Variants in TRIM23 observed in about 807,000 individuals in gnomAD.
The protein encoded by TRIM23 is tripartite motif containing 23.
In TRIM23, 27 loss-of-function variants were observed where a neutral mutation model predicts 71.0. The ratio of observed to expected loss-of-function variants is 0.38; its 90% CI spans 0.28 to 0.52. TRIM23 has a LOEUF of 0.52. Ranked by LOEUF, TRIM23 falls within the 20% of genes least tolerant of loss-of-function variation. The pLI is 0.84. For missense variants in TRIM23, 482 were observed against 692.3 expected (o/e 0.70, Z 3.41); for synonymous variants, 234 against 238.0 (o/e 0.98, Z 0.16).
At chr5:65,613,391 T>C (rs1754701365) in intron 3 of TRIM23, among the ~76,000 whole-genome samples, 1 of 152,202 alleles carries the variant, frequency 6.6e-6, no homozygotes, top group South Asian at 2.1e-4. Context: ...ACATTTTTTT[T>C]CCTTCATACA....
intron 7 of TRIM23, among the ~76,000 whole-genome samples, chr5:65,604,346 C>T (rs1256642941): frequency 2.0e-5 from 3 of 152,102 alleles, no homozygotes; most frequent in Non-Finnish European, 2.9e-5. Context: ...CCACCCGCCT[C>T]GGCCTCCCAA....
At chr5:65,607,563 G>A (rs1337456391) in intron 6 of TRIM23, among the ~76,000 whole-genome samples, 1 of 152,078 alleles carries the variant, frequency 6.6e-6, no homozygotes, top group South Asian at 2.1e-4. Flanking sequence ...AGCCTCCCCA[G>A]CCATGCAAAC....
In TRIM23 at chr5:65,591,289, T is replaced by C; in HGVS notation, c.*480A>G. ...TCCAAATATGTAGTTTGGATTCTAT[T>C]TCATTAAGCAACTGTCATTTCTACT... On this transcript the variant is annotated 3_prime_UTR_variant, in exon 11 of 11. Transcript: ENST00000231524. The C allele has an allele frequency of 1.5e-6, 2 of 1,375,250 alleles. No individual in the cohort carries two copies. The highest frequency in any genetic ancestry group is 9.4e-7 in the Non-Finnish European group (1 of 1,066,350). The allele number at this position is 1,375,250 out of a possible 1,614,324, so 85.2% of individuals were successfully genotyped here.
At chr5:65,623,623 T>C (rs468754) in intron 1 of TRIM23, among the ~76,000 whole-genome samples, 94,309 of 152,012 alleles carry the variant, frequency 0.62, 29,518 homozygotes, top group South Asian at 0.65. Context: ...TGCAAAGAGT[T>C]AATAGACTGT....
chr5:65,614,384 C>T (rs941706111), intron 2 of TRIM23, among the ~76,000 whole-genome samples, 165 bp from the exon 3 acceptor site: 1 of 152,170 alleles, frequency 6.6e-6, no homozygotes, highest in Non-Finnish European at 1.5e-5. Context: ...TTTGTTAATG[C>T]TCTCTTAAAA....
At chr5:65,611,930 CAT>C (rs1187952091) in intron 3 of TRIM23, 49 bp from the exon 4 acceptor site, 1 of 1,534,014 alleles carries the variant, frequency 6.5e-7, no homozygotes, top group Non-Finnish European at 8.8e-7. Context: ...ATCAGTATAA[CAT>C]GACGAATTTT....
At chr5:65,606,762 C>T (rs1427518499) in intron 6 of TRIM23, among the ~76,000 whole-genome samples, 1 of 152,224 alleles carries the variant, frequency 6.6e-6, no homozygotes, top group Non-Finnish European at 1.5e-5. Flanking sequence ...ATAATGCTTA[C>T]CCTGACTACT....
chr5:65,623,889 T>C (rs1211106851), intron 1 of TRIM23, among the ~76,000 whole-genome samples: 1 of 152,234 alleles, frequency 6.6e-6, no homozygotes, highest in African/African-American at 2.4e-5. Context: ...AGCTAATTAA[T>C]GTCTGTTGAG....
At chr5:65,600,831 C>T (rs531328517) in intron 7 of TRIM23, among the ~76,000 whole-genome samples, 6 of 151,920 alleles carry the variant, frequency 3.9e-5, no homozygotes, top group African/African-American at 7.2e-5. Flanking sequence ...AAAAAGTGAG[C>T]GAAGGACAGA....
chr5:65,600,622 TAAAAA>T (rs34809421), intron 7 of TRIM23, among the ~76,000 whole-genome samples: 3 of 102,330 alleles, frequency 2.9e-5, no homozygotes, highest in Non-Finnish European at 6.0e-5. Context: ...AAAAGCACAG[TAAAAA>T]AAAAAAAAAA....
chr5:65,590,477 C>A lies in TRIM23; in HGVS notation c.*1292G>T. On this transcript the variant is annotated 3_prime_UTR_variant, in exon 11 of 11. Transcript: ENST00000231524. Reference sequence around the variant, plus strand: ...CAAAAAGTCACATCTTGTTACCAGACATCACTGTCCTTACAACAATTCAAC... The same window carrying A: ...CAAAAAGTCACATCTTGTTACCAGAAATCACTGTCCTTACAACAATTCAAC... 1 of 1,239,894 alleles carries A rather than the reference C, an allele frequency of 8.1e-7. No homozygotes were observed. The highest frequency in any genetic ancestry group is 1.0e-6 in the Non-Finnish European group (1 of 979,686). The allele number at this position is 1,239,894 out of a possible 1,614,324, so 76.8% of individuals were successfully genotyped here.
intron 5 of TRIM23, 70 bp from the exon 6 acceptor site, chr5:65,609,528 A>G: frequency 6.8e-7 from 1 of 1,476,742 alleles, no homozygotes; most frequent in Non-Finnish European, 9.1e-7. Context: ...AATATTTAAA[A>G]TTTCAGCCTA....
chr5:65,589,924 G>A lies in TRIM23; in HGVS notation c.*1845C>T, dbSNP rs1278766126. Reference sequence around the variant, plus strand: ...TAGTTTCCCAGGGAAGACTAGCACAGTCTTAACTAATGATTAGTGAAATAA... The same window carrying A: ...TAGTTTCCCAGGGAAGACTAGCACAATCTTAACTAATGATTAGTGAAATAA... On this transcript the variant is annotated 3_prime_UTR_variant, in exon 11 of 11. Coordinates refer to ENST00000231524, the MANE Select transcript of TRIM23 (RefSeq NM_001656.4). The A allele has an allele frequency of 6.0e-6, 1 of 166,056 alleles. No homozygotes were observed. Among genetic ancestry groups the A allele is most frequent in the South Asian group, 1.9e-4 (1 of 5,320 alleles). The allele number at this position is 166,056 out of a possible 1,614,324, so 10.3% of individuals were successfully genotyped here.
Position 65,611,593 on chromosome 5 carries a change from A to G in TRIM23, c.645+10T>C. On this transcript the variant is annotated intron_variant, in intron 4 of 10. Coordinates refer to ENST00000231524, the MANE Select transcript of TRIM23 (RefSeq NM_001656.4). The stretch of plus-strand genomic sequence containing the variant: ...ACAGTGATCCAACTGATTAATAATT[A>G]AATTCATACCTTGTGACCCTGGTGT... 6.2e-7 allele frequency: 1 copy of G among 1,607,552 alleles called. No homozygotes were observed. Among genetic ancestry groups the G allele is most frequent in the Non-Finnish European group, 8.5e-7 (1 of 1,174,954 alleles).
chr5:65,623,171 T>C (rs1027099872), intron 1 of TRIM23, among the ~76,000 whole-genome samples: 2 of 152,206 alleles, frequency 1.3e-5, no homozygotes, highest in South Asian at 2.1e-4. Flanking sequence ...TGAATAATCA[T>C]AGGTGTCTAC....
Position 65,605,010 on chromosome 5 carries a change from A to C in TRIM23, c.1080T>G (p.Ile360Met). 6.2e-7 allele frequency: 1 copy of C among 1,613,806 alleles called. No homozygotes were observed. The highest frequency in any genetic ancestry group is 8.5e-7 in the Non-Finnish European group (1 of 1,179,932). Residue 360 changes from isoleucine (I) to methionine (M), a missense_variant, in exon 7 of 11, where the codon ATT (isoleucine) becomes ATG (methionine). Around this residue, in one of 2 missense-constraint regions of TRIM23, gnomAD observed 307 missense variants for 495.8 expected, o/e 0.62. Transcript: ENST00000231524. ...TCTGCAATGTTTCCAGTAACCTTGT[A>C]ATTTCCTGTTTTGCCAAGACAACTC... ...DCRVVLAKQE[I>M]TRLLETLQKQ...
intron 2 of TRIM23, among the ~76,000 whole-genome samples, chr5:65,617,313 C>T (rs1344599064): frequency 6.6e-6 from 1 of 152,066 alleles, no homozygotes; most frequent in African/African-American, 2.4e-5. Context: ...CTCTTGCTTC[C>T]TTTTTTGGTG....
chr5:65,590,701 C>A lies in TRIM23; in HGVS notation c.*1068G>T, dbSNP rs1157657266. The stretch of plus-strand genomic sequence containing the variant: ...TTTTTGAATTTTTTTTTTCTTTAGA[C>A]ATTTTTCCTCTAGAGTAACTTTTCA... On this transcript the variant is annotated 3_prime_UTR_variant, in exon 11 of 11. Coordinates refer to ENST00000231524, the MANE Select transcript of TRIM23 (RefSeq NM_001656.4). 1 of 984,740 alleles carries A rather than the reference C, an allele frequency of 1.0e-6. No homozygotes were observed. The highest frequency in any genetic ancestry group is 1.2e-6 in the Non-Finnish European group (1 of 829,302). The allele number at this position is 984,740 out of a possible 1,614,324, so 61.0% of individuals were successfully genotyped here. A position where few individuals can be genotyped will look rare whatever the true frequency, so the allele number is the denominator to read the frequency against.
rs900144863 is a variant in TRIM23, at chr5:65,615,807, T to G, written c.245-1588A>C. Among the ~76,000 whole-genome samples, 3 of 152,368 alleles carry G rather than the reference T, an allele frequency of 2.0e-5. No individual in the cohort carries two copies. In the South Asian group the frequency reaches 6.2e-4, roughly 32 times the overall value. On this transcript the variant is annotated intron_variant, in intron 2 of 10. Coordinates refer to ENST00000231524, the MANE Select transcript of TRIM23 (RefSeq NM_001656.4). The stretch of plus-strand genomic sequence containing the variant: ...AGGTAGTGCCTAATATTTATATCAC[T>G]TAATTCTGTGTCAAAACAACTCTAT...
Sources: gnomAD v4.1 joint callset for allele counts (sites outside exome capture counted in the v4.1 genomes callset) on GRCh38, gnomAD v4.1.1 for gene constraint, gnomAD v4.1.1 regional missense constraint, MANE v1.5 for transcripts, NCBI Gene and HGNC (gene_info 2026-07-23, HGNC 2026-07-21) for gene names.